The following TENM2 variants were observed in gnomAD, a reference collection of about 807,000 sequenced individuals.
The protein encoded by TENM2 is teneurin-2.
A neutral mutation model predicts 245.2 loss-of-function variants in TENM2; 52 were observed. The ratio of observed to expected loss-of-function variants is 0.21; its 90% CI spans 0.17 to 0.27. The LOEUF is 0.27. Among genes scored for constraint, TENM2 ranks in the 10% least tolerant of loss-of-function variants. TENM2 has a pLI of 1.00. For missense variants in TENM2, 3,046 were observed against 3,666.8 expected, an observed-to-expected ratio of 0.83 and a Z score of 4.37; for synonymous variants, 1,363 against 1,438.9, an observed-to-expected ratio of 0.95 and a Z score of 1.19.
At chr5:167,475,978 G>A (rs1252787865) in intron 2 of TENM2, among the ~76,000 whole-genome samples, 2 of 151,974 alleles carry the variant, frequency 1.3e-5, no homozygotes, top group African/African-American at 4.8e-5. Context: ...CGTCTTTATA[G>A]TAGAAAAAAG....
At chr5:168,047,216 G>A (rs1352713087) in intron 5 of TENM2, among the ~76,000 whole-genome samples, 1 of 152,108 alleles carries the variant, frequency 6.6e-6, no homozygotes, top group Non-Finnish European at 1.5e-5. Flanking sequence ...CTCTCCCCCT[G>A]AGACTGTGAG....
chr5:167,777,371 T>C (rs1175505800), intron 2 of TENM2, among the ~76,000 whole-genome samples: 1 of 152,256 alleles, frequency 6.6e-6, no homozygotes, highest in Non-Finnish European at 1.5e-5. Context: ...AAGTATACTT[T>C]CAAAAGCAAA....
chr5:167,250,310 G>A, the TENM2 span, among the ~76,000 whole-genome samples: 1 of 151,980 alleles, frequency 6.6e-6, no homozygotes, highest in African/African-American at 2.4e-5. Context: ...GACACAGTGA[G>A]ACCTTATCTC....
At chr5:168,206,369 G>A (rs561038825) in intron 19 of TENM2, among the ~76,000 whole-genome samples, 1 of 152,352 alleles carries the variant, frequency 6.6e-6, no homozygotes, top group East Asian at 1.9e-4. Context: ...GCATGGAGGC[G>A]AGCCAGGCAT....
chr5:168,249,225 A>G (rs1004324449), intron 27 of TENM2, among the ~76,000 whole-genome samples: 6 of 152,196 alleles, frequency 3.9e-5, no homozygotes, highest in African/African-American at 1.4e-4. Flanking sequence ...TTACTAGAGA[A>G]GCAATGAGTG....
chr5:167,593,104 C>T (rs1272495172), intron 2 of TENM2, among the ~76,000 whole-genome samples: 1 of 152,128 alleles, frequency 6.6e-6, no homozygotes, highest in Non-Finnish European at 1.5e-5. Flanking sequence ...TTATCAAGTG[C>T]TCTCACTTTG....
At chr5:167,590,420 G>T (rs937323083) in intron 2 of TENM2, among the ~76,000 whole-genome samples, 3 of 151,834 alleles carry the variant, frequency 2.0e-5, no homozygotes, top group African/African-American at 7.2e-5. Flanking sequence ...AGTTACTTTA[G>T]AAATGCATGT....
At chr5:167,164,316 A>G in the TENM2 span, among the ~76,000 whole-genome samples, 14 of 152,208 alleles carry the variant, frequency 9.2e-5, no homozygotes, top group African/African-American at 3.4e-4. Flanking sequence ...TGGACTCCAG[A>G]TTTTGCTGTA....
At chr5:167,448,014 G>A (rs1009075791) in intron 2 of TENM2, among the ~76,000 whole-genome samples, 4 of 152,118 alleles carry the variant, frequency 2.6e-5, no homozygotes, top group African/African-American at 9.7e-5. Context: ...GCCAGGTATG[G>A]GTAGTGGAAA....
chr5:168,063,999 T>C (rs1790282422), intron 7 of TENM2, among the ~76,000 whole-genome samples: 3 of 151,962 alleles, frequency 2.0e-5, no homozygotes. Context: ...AAAAAATATT[T>C]ATAGGGCTAG....
chr5:168,125,089 C>T (rs1376382856), intron 11 of TENM2, 39 bp downstream of exon 13: 3 of 1,536,800 alleles, frequency 2.0e-6, no homozygotes, highest in African/African-American at 1.4e-5. Context: ...CTCCAACACT[C>T]CTGCCCTGTG....
At chr5:167,427,401 C>T (rs948341950) in intron 2 of TENM2, among the ~76,000 whole-genome samples, 2 of 150,964 alleles carry the variant, frequency 1.3e-5, no homozygotes, top group East Asian at 3.9e-4. Flanking sequence ...TCCAGTGAGC[C>T]GAGATCACAC....
chr5:168,034,056 T>TATGTATAC (rs1787390726), intron 5 of TENM2, among the ~76,000 whole-genome samples: 2 of 146,032 alleles, frequency 1.4e-5, no homozygotes, highest in African/African-American at 2.5e-5. Context: ...TGTGTATATA[T>TATGTATAC]ATATATATGT....
chr5:167,096,576 A>G, the TENM2 span, among the ~76,000 whole-genome samples: 1 of 152,292 alleles, frequency 6.6e-6, no homozygotes, highest in East Asian at 1.9e-4. Flanking sequence ...AACTCTAAAC[A>G]TCTGACCAGC....
chr5:167,433,318 T>G (rs548080709), intron 2 of TENM2, among the ~76,000 whole-genome samples: 1 of 152,272 alleles, frequency 6.6e-6, no homozygotes, highest in East Asian at 1.9e-4. Context: ...TTTTAATGGC[T>G]TCTGTACACA....
chr5:167,582,222 A>G (rs545190966), intron 2 of TENM2, among the ~76,000 whole-genome samples: 9 of 152,348 alleles, frequency 5.9e-5, no homozygotes, highest in African/African-American at 2.2e-4. Context: ...ACAGCATTCA[A>G]TCAAGCAAAG....
chr5:167,416,535 C>T lies in TENM2; in HGVS notation c.502+41062C>T, dbSNP rs372807585. Among the ~76,000 whole-genome samples, 15 of 152,258 alleles carry T rather than the reference C, an allele frequency of 9.9e-5. No individual in the cohort carries two copies. The East Asian group carries it at 2.7e-3, about 27-fold the overall frequency. ...AAGATAAACGGACTGTCAGGTGCCT[C>T]TAAAAGGCTTATGATGACAGCAGTT... On this transcript the variant is annotated intron_variant, in intron 2 of 28. Transcript: ENST00000518659.
intron 2 of TENM2, among the ~76,000 whole-genome samples, chr5:167,559,973 TC>T (rs1201664901): frequency 6.6e-6 from 1 of 152,050 alleles, no homozygotes; most frequent in Non-Finnish European, 1.5e-5. Context: ...ACCAAGGCAA[TC>T]CCCACCCCTC....
intron 2 of TENM2, among the ~76,000 whole-genome samples, chr5:167,671,879 A>G (rs1387443478): frequency 6.6e-6 from 1 of 151,864 alleles, no homozygotes; most frequent in Non-Finnish European, 1.5e-5. Context: ...GGAAGTTATG[A>G]ATTCTCTGGG....
Sources: allele counts gnomAD v4.1 joint callset (sites outside exome capture counted in the v4.1 genomes callset), GRCh38; gene constraint gnomAD v4.1.1; transcripts MANE v1.5; gene names NCBI Gene and HGNC (gene_info 2026-07-23, HGNC 2026-07-21).